Variants in RNF150 observed in about 807,000 individuals in gnomAD.
RNF150 encodes ring finger protein 150.
In RNF150, 24 loss-of-function variants were observed where a neutral mutation model predicts 39.3. The observed-to-expected ratio is 0.61, with a 90% confidence interval of 0.44 to 0.86. The LOEUF is 0.86. Ranked by LOEUF, RNF150 falls within the 40% of genes least tolerant of loss-of-function variation. RNF150 has a pLI of 0.00. For synonymous variants in RNF150, 255 were observed against 227.3 expected, an observed-to-expected ratio of 1.12 and a Z score of -1.10; for missense variants, 502 against 587.8, an observed-to-expected ratio of 0.85 and a Z score of 1.51.
chr4:140,997,140 A>AGT (rs1322721375), intron 1 of RNF150: 9 of 152,184 alleles, frequency 5.9e-5, no homozygotes, highest in Non-Finnish European at 1.2e-4. Context: ...GATGGAAGTG[A>AGT]GTGTGTGTAT....
At chr4:140,940,504 G>C (rs939052222) in intron 4 of RNF150, among the ~76,000 whole-genome samples, 1 of 152,066 alleles carries the variant, frequency 6.6e-6, no homozygotes, top group Admixed American at 6.6e-5. Flanking sequence ...CAAACTTTTG[G>C]AAGACATGGA....
At chr4:140,875,094 A>G (rs1729097794) in intron 6 of RNF150, among the ~76,000 whole-genome samples, 1 of 152,170 alleles carries the variant, frequency 6.6e-6, no homozygotes, top group Non-Finnish European at 1.5e-5. Context: ...CATAATAGTA[A>G]GAGTTGGAAA....
chr4:141,055,288 C>T (rs1447529745), intron 1 of RNF150, among the ~76,000 whole-genome samples: 1 of 152,084 alleles, frequency 6.6e-6, no homozygotes, highest in Non-Finnish European at 1.5e-5. Context: ...ATACTCATCC[C>T]CGCTTATCAT....
At chr4:140,935,564 T>C (rs1731832635) in intron 4 of RNF150, among the ~76,000 whole-genome samples, 2 of 152,196 alleles carry the variant, frequency 1.3e-5, no homozygotes. Flanking sequence ...TTTACAGCAC[T>C]GCCATCTCTT....
At chr4:141,067,845 G>A (rs1737521638) in intron 1 of RNF150, among the ~76,000 whole-genome samples, 1 of 152,088 alleles carries the variant, frequency 6.6e-6, no homozygotes, top group African/African-American at 2.4e-5. Flanking sequence ...AAGGCAAATA[G>A]AAGGGTTTTG....
chr4:141,061,037 A>G lies in RNF150; in HGVS notation c.484+71288T>C, dbSNP rs187933758. Among the ~76,000 whole-genome samples the G allele has an allele frequency of 4.2e-4, 64 of 152,252 alleles. No homozygotes were observed. The East Asian group carries it at 7.1e-3, about 17-fold the overall frequency. On this transcript the variant is annotated intron_variant, in intron 1 of 6. Transcript: ENST00000515673. The stretch of plus-strand genomic sequence containing the variant: ...CAGTATTAGGAGAAATACCTAATGT[A>G]GGTGATAGGTTGATGGGTGCAGCAA...
intron 1 of RNF150, among the ~76,000 whole-genome samples, chr4:141,188,487 C>A (rs745856049): frequency 2.6e-5 from 4 of 152,128 alleles, no homozygotes; most frequent in Non-Finnish European, 5.9e-5. Flanking sequence ...GGTACACCAA[C>A]CAATCGTAGG....
At chr4:140,891,956 G>A (rs539779385) in intron 6 of RNF150, among the ~76,000 whole-genome samples, 5 of 152,008 alleles carry the variant, frequency 3.3e-5, no homozygotes, top group East Asian at 1.9e-4. Context: ...GTTTCATCCC[G>A]AAAGCACCAC....
At chr4:141,034,671 T>A (rs977458487) in intron 1 of RNF150, among the ~76,000 whole-genome samples, 1 of 152,162 alleles carries the variant, frequency 6.6e-6, no homozygotes, top group Admixed American at 6.6e-5. Context: ...GGGTTATTAA[T>A]TGGCCTAATT....
At chr4:141,003,919 T>A (rs537848861) in intron 1 of RNF150, among the ~76,000 whole-genome samples, 1 of 152,200 alleles carries the variant, frequency 6.6e-6, no homozygotes, top group East Asian at 1.9e-4. Flanking sequence ...TGGCCTGCGG[T>A]TAGGAGAAGC....
chr4:141,070,572 G>T (rs1211423473), intron 1 of RNF150, among the ~76,000 whole-genome samples: 1 of 150,666 alleles, frequency 6.6e-6, no homozygotes, highest in Admixed American at 6.7e-5. Flanking sequence ...GTGGGCGAAG[G>T]ACATGAACAG....
At chr4:141,053,095 C>T (rs1483616709) in intron 1 of RNF150, among the ~76,000 whole-genome samples, 2 of 152,246 alleles carry the variant, frequency 1.3e-5, no homozygotes, top group East Asian at 1.9e-4. Context: ...TAAATTACTG[C>T]TAGTCACACG....
At chr4:140,940,557 G>C (rs1732041686) in intron 4 of RNF150, among the ~76,000 whole-genome samples, 1 of 152,192 alleles carries the variant, frequency 6.6e-6, no homozygotes. Context: ...AGATCAGCAA[G>C]ACTTGTTTTC....
intron 2 of RNF150, among the ~76,000 whole-genome samples, chr4:140,949,676 C>CT (rs1553994647): frequency 2.0e-5 from 2 of 99,152 alleles, no homozygotes; most frequent in African/African-American, 3.7e-5. Flanking sequence ...CATACACTAC[C>CT]CCCCCCCAAA....
At chr4:140,978,106 A>G (rs1386877744) in intron 1 of RNF150, among the ~76,000 whole-genome samples, 2 of 152,150 alleles carry the variant, frequency 1.3e-5, no homozygotes, top group Non-Finnish European at 2.9e-5. Context: ...TCAGCAACCA[A>G]ATTGATAACC....
chr4:140,993,796 A>C (rs1169776931), intron 1 of RNF150, among the ~76,000 whole-genome samples: 2 of 151,996 alleles, frequency 1.3e-5, no homozygotes, highest in African/African-American at 4.8e-5. Flanking sequence ...TCATCTTCCC[A>C]CCTCCAAACA....
chr4:141,196,610 G>T (rs531709132), intron 1 of RNF150, among the ~76,000 whole-genome samples: 9 of 152,296 alleles, frequency 5.9e-5, no homozygotes, highest in Non-Finnish European at 1.0e-4. Context: ...AAGTTAGAAA[G>T]AGTTGGTATT....
At chr4:140,954,540 T>G (rs1245909174) in intron 2 of RNF150, among the ~76,000 whole-genome samples, 1 of 152,196 alleles carries the variant, frequency 6.6e-6, no homozygotes, top group African/African-American at 2.4e-5. Flanking sequence ...TTGTTAGGTG[T>G]TAGGCCATCG....
intron 2 of RNF150, 32 bp downstream of exon 2, chr4:140,967,591 T>C (rs1293751037): frequency 1.2e-5 from 19 of 1,557,938 alleles, no homozygotes; most frequent in Non-Finnish European, 1.6e-5. Context: ...TTGTAACAAT[T>C]TTTAAAAGTT....
Sources: allele counts gnomAD v4.1 joint callset (sites outside exome capture counted in the v4.1 genomes callset), GRCh38; gene constraint gnomAD v4.1.1; transcripts MANE v1.5; gene names NCBI Gene and HGNC (gene_info 2026-07-23, HGNC 2026-07-21).